The following TMPRSS2 variants were observed in gnomAD, a reference collection of about 807,000 sequenced individuals.
TMPRSS2 encodes the protein transmembrane serine protease 2.
In TMPRSS2, 59 loss-of-function variants were observed where a neutral mutation model predicts 67.4. That is an observed-to-expected ratio of 0.88 (90% CI 0.71 to 1.09). The LOEUF (loss-of-function observed/expected upper bound fraction) is 1.09, where lower values mean the gene tolerates loss of function less well. TMPRSS2 is among the 50% of genes least tolerant of loss of function. The pLI, the probability that TMPRSS2 is intolerant of heterozygous loss-of-function variation, is 0.00. For synonymous variants in TMPRSS2, 257 were observed against 257.0 expected, an observed-to-expected ratio of 1.00 and a Z score of 0.00; for missense variants, 668 against 642.7, an observed-to-expected ratio of 1.04 and a Z score of -0.43.
intron 13 of TMPRSS2, among the ~76,000 whole-genome samples, chr21:41,466,610 C>A (rs2091086673): frequency 6.6e-6 from 1 of 152,148 alleles, no homozygotes; most frequent in Admixed American, 6.5e-5. Flanking sequence ...TAGCACTGGG[C>A]CCTGGGCCAG....
chr21:41,471,985 G>C lies in TMPRSS2; in HGVS notation c.900-4C>G, dbSNP rs750314517. On this transcript the variant is annotated splice_polypyrimidine_tract_variant and splice_region_variant and intron_variant, in intron 9 of 13. Transcript: ENST00000332149. ...ATGCCATGGATTGTTAAGAGGTCTG[G>C]GAGAGAAGAAGGACTCAGTATCTCA... 6.3e-7 allele frequency: 1 copy of C among 1,593,496 alleles called. No individual in the cohort carries two copies. The highest frequency in any genetic ancestry group is 1.3e-5 in the African/African-American group (1 of 74,184).
At chr21:41,496,233 G>A (rs1021500221) in intron 2 of TMPRSS2, among the ~76,000 whole-genome samples, 4 of 152,190 alleles carry the variant, frequency 2.6e-5, no homozygotes, top group Non-Finnish European at 1.5e-5. Context: ...ACATTTTGCA[G>A]AGAAAAAAAC....
Position 41,500,761 on chromosome 21 carries a change from A to G in TMPRSS2, c.-56-2572T>C, listed in dbSNP as rs2091418667. Among the ~76,000 whole-genome samples, 3 of 152,262 alleles carry G rather than the reference A, an allele frequency of 2.0e-5. No individual in the cohort carries two copies. The South Asian group carries it at 6.2e-4, about 31-fold the overall frequency. On this transcript the variant is annotated intron_variant, in intron 1 of 13. Transcript: ENST00000332149. ...CAGGTGGGAAGGATCACCATTTAAA[A>G]TGTATCAAAAACGTTTAAGCCTTTT...
Position 41,478,902 on chromosome 21 carries a change from T to A in TMPRSS2, c.683+270A>T, listed in dbSNP as rs2091236454. Among the ~76,000 whole-genome samples the A allele has an allele frequency of 6.6e-6, 1 of 152,158 alleles. No homozygotes were observed. Among genetic ancestry groups the A allele is most frequent in the Non-Finnish European group, 1.5e-5 (1 of 68,030 alleles). ...GGAAAGAAAACTAAATAGAGTTGAATGTCGATGTTGCAAGTGTGAGCCGCT... is the reference window on the plus strand; with the variant it reads ...GGAAAGAAAACTAAATAGAGTTGAAAGTCGATGTTGCAAGTGTGAGCCGCT... On this transcript the variant is annotated intron_variant, in intron 7 of 13. Transcript: ENST00000332149. The surrounding 1 kb of genome is among the most constrained non-coding windows in gnomAD (Gnocchi z 4.0).
Position 41,478,467 on chromosome 21 carries a change from T to A in TMPRSS2, c.683+705A>T, listed in dbSNP as rs1298606046. On this transcript the variant is annotated intron_variant, in intron 7 of 13. Transcript: ENST00000332149. The surrounding 1 kb of genome is among the most constrained non-coding windows in gnomAD (Gnocchi z 4.0). ...TGTATCTTTCACATCAGAAAACACA[T>A]AACAGCAACAATCATAGCAAGTCTG... Among the ~76,000 whole-genome samples, 1 of 152,184 alleles carries A rather than the reference T, an allele frequency of 6.6e-6. No homozygotes were observed.
At chr21:41,493,015 G>A (rs1053562289) in intron 3 of TMPRSS2, among the ~76,000 whole-genome samples, 4 of 152,248 alleles carry the variant, frequency 2.6e-5, no homozygotes, top group East Asian at 3.9e-4. Context: ...CTTTGCTGTC[G>A]GGGGGCTGTC....
At chr21:41,473,641 G>A in intron 8 of TMPRSS2, 145 bp from the exon 9 acceptor site, 1 of 927,236 alleles carries the variant, frequency 1.1e-6, no homozygotes. Context: ...GGGCTCCTGG[G>A]GGTCTCCTCT....
At chr21:41,500,459 A>C (rs1239427739) in intron 1 of TMPRSS2, among the ~76,000 whole-genome samples, 1 of 152,214 alleles carries the variant, frequency 6.6e-6, no homozygotes, top group African/African-American at 2.4e-5. Flanking sequence ...GCTTCAGTAC[A>C]CCATCGCTTT....
In TMPRSS2 at chr21:41,508,094, G is replaced by A. The variant is rs2091471903; in HGVS notation, c.-70C>T. On this transcript the variant is annotated 5_prime_UTR_variant, in exon 1 of 14. Transcript: ENST00000332149. ...GGCGCCGCTCACCTGCCGCGCTCCA[G>A]GCGGCGCTCCCCGCCCCTCGCCCTC... 3 of 1,229,692 alleles carry A rather than the reference G, an allele frequency of 2.4e-6. No individual in the cohort carries two copies. The highest frequency in any genetic ancestry group is 3.2e-5 in the African/African-American group (2 of 63,108). The allele number at this position is 1,229,692 out of a possible 1,614,324, so 76.2% of individuals were successfully genotyped here.
At chr21:41,480,346 T>A (rs2091247331) in intron 6 of TMPRSS2, 130 bp downstream of exon 6, 6 of 1,447,874 alleles carry the variant, frequency 4.1e-6, no homozygotes, top group Non-Finnish European at 5.5e-6. Flanking sequence ...GTTATAGGGC[T>A]CAGCTTTTGG....
chr21:41,470,821 G>T (rs2091127250), intron 10 of TMPRSS2, 78 bp from the exon 11 acceptor site: 1 of 1,201,968 alleles, frequency 8.3e-7, no homozygotes, highest in South Asian at 1.4e-5. Flanking sequence ...CATGCAGGCT[G>T]CTGGGCCTGG....
At chr21:41,468,318 C>G in intron 12 of TMPRSS2, 78 bp downstream of exon 12, 1 of 1,568,804 alleles carries the variant, frequency 6.4e-7, no homozygotes, top group Non-Finnish European at 8.7e-7. Flanking sequence ...TCTGCTGACC[C>G]CAAGAATGCC....
In TMPRSS2 at chr21:41,485,114, G is replaced by GTT. The variant is rs1376888198; in HGVS notation, c.445+3279_445+3280insAA. Among the ~76,000 whole-genome samples the GTT allele has an allele frequency of 2.3e-4, 34 of 150,298 alleles. No individual in the cohort carries two copies. In the South Asian group the frequency reaches 7.2e-3, roughly 32 times the overall value. On this transcript the variant is annotated intron_variant, in intron 5 of 13. Transcript: ENST00000332149. ...TGTGTGTGTGTGTGTGTGTGTGTGT[G>GTT]TGTCTGGGGTGTATGGGGGGATGCG...
chr21:41,505,626 T>C (rs888549145), intron 1 of TMPRSS2, among the ~76,000 whole-genome samples: 1 of 152,156 alleles, frequency 6.6e-6, no homozygotes, highest in Admixed American at 6.5e-5. Context: ...GGAGCCCAGG[T>C]AGGGCTGTGG....
chr21:41,476,480 C>T, intron 8 of TMPRSS2, 97 bp downstream of exon 8: 1 of 1,268,890 alleles, frequency 7.9e-7, no homozygotes, highest in African/African-American at 1.5e-5. Flanking sequence ...CCACCTTCTT[C>T]CCTCCCACGC....
chr21:41,470,078 A>T (rs1039928442), intron 11 of TMPRSS2, among the ~76,000 whole-genome samples: 1 of 152,214 alleles, frequency 6.6e-6, no homozygotes, highest in East Asian at 1.9e-4. Flanking sequence ...AGAAGGATAT[A>T]AACAATATGT....
Position 41,476,187 on chromosome 21 carries a change from C to G in TMPRSS2, c.727+390G>C, listed in dbSNP as rs1389569095. On this transcript the variant is annotated intron_variant, in intron 8 of 13. Coordinates refer to ENST00000332149, the MANE Select transcript of TMPRSS2 (RefSeq NM_005656.4). ...GGCTGATGAGCACCTGGTGGCCACACGGTGGTGCTGGACCACAGCCCCGCA... is the reference window on the plus strand; with the variant it reads ...GGCTGATGAGCACCTGGTGGCCACAGGGTGGTGCTGGACCACAGCCCCGCA... Among the ~76,000 whole-genome samples the G allele has an allele frequency of 3.9e-5, 6 of 152,288 alleles. No individual in the cohort carries two copies. In the East Asian group the frequency reaches 1.2e-3, roughly 29 times the overall value.
At chr21:41,475,831 C>T (rs1042349169) in intron 8 of TMPRSS2, among the ~76,000 whole-genome samples, 1 of 151,728 alleles carries the variant, frequency 6.6e-6, no homozygotes, top group Middle Eastern at 3.2e-3. Context: ...GGGCAGAGGG[C>T]AGGGCGGGTG....
In TMPRSS2 at chr21:41,479,212, T is replaced by G. The variant is rs746162549; in HGVS notation, c.643A>C (p.Ser215Arg). Residue 215 changes from serine to arginine, a missense_variant, in exon 7 of 14, where the codon AGT becomes CGT. By Grantham distance (110) the Ser-to-Arg change is moderately radical (BLOSUM62 -1). Transcript: ENST00000332149. ...GSTSFMKLNT[S>R]AGNVDIYKKL... ...TTATAGATATCGACATTGCCGGCAC[T>G]TGTGTTCAGTTTCATAAAGCTGGTG... 1 of 1,614,082 alleles carries G rather than the reference T, an allele frequency of 6.2e-7. No individual in the cohort carries two copies. The highest frequency in any genetic ancestry group is 1.1e-5 in the South Asian group (1 of 91,080).
Sources: allele counts gnomAD v4.1 joint callset (sites outside exome capture counted in the v4.1 genomes callset), GRCh38; gene constraint gnomAD v4.1.1; non-coding constraint Gnocchi (gnomAD v3.1); transcripts MANE v1.5; gene names NCBI Gene and HGNC (gene_info 2026-07-23, HGNC 2026-07-21).